ALG12: variants seen among roughly 807,000 people sequenced by gnomAD.
ALG12 encodes the protein dol-P-Man:Man(7)GlcNAc(2)-PP-Dol alpha-1,6-mannosyltransferase.
Under a neutral mutation model 46.0 loss-of-function variants are expected in ALG12, and 36 were observed. That is an observed-to-expected ratio of 0.78 (90% confidence interval 0.60 to 1.03). The LOEUF (loss-of-function observed/expected upper bound fraction) is 1.03, where lower values mean the gene tolerates loss of function less well. Ranked by LOEUF, ALG12 falls within the 50% of genes least tolerant of loss-of-function variation. The probability of loss-of-function intolerance (pLI) is 0.00; values close to 1 mark genes in which losing one functional copy is unlikely to be tolerated. For missense variants in ALG12, 599 were observed against 633.5 expected (o/e 0.95, Z 0.58); for synonymous variants, 326 against 291.6 (o/e 1.12, Z -1.20).
chr22:49,859,516 C>A, the ALG12 span, among the ~76,000 whole-genome samples: 1 of 152,150 alleles, frequency 6.6e-6, no homozygotes, highest in South Asian at 2.1e-4. Context: ...GATGTCTTTC[C>A]CAGGCCTGCG....
chr22:49,910,114 C>G, intron 4 of ALG12, 26 bp from the exon 5 acceptor site: 3 of 1,578,852 alleles, frequency 1.9e-6, no homozygotes, highest in Non-Finnish European at 2.6e-6. Flanking sequence ...GGAGGGTGCT[C>G]GTCAAGACAC....
chr22:49,865,219 C>T, the ALG12 span, among the ~76,000 whole-genome samples: 94,170 of 151,900 alleles, frequency 0.62, 33,127 homozygotes, highest in Non-Finnish European at 0.79. Context: ...TTTGTAACAC[C>T]GTGGCAAGTA....
intron 1 of ALG12, among the ~76,000 whole-genome samples, chr22:49,916,698 C>G (rs1443389352): frequency 6.6e-6 from 1 of 152,208 alleles, no homozygotes; most frequent in African/African-American, 2.4e-5. Context: ...CAAAAATAAT[C>G]CCAGCTACTC....
chr22:49,875,525 A>C, the ALG12 span, among the ~76,000 whole-genome samples: 1 of 150,406 alleles, frequency 6.6e-6, no homozygotes, highest in East Asian at 2.0e-4. Context: ...GGTTCCAGGG[A>C]TTCTCCTGCC....
At chr22:49,885,470 A>G in the ALG12 span, 1 of 1,612,646 alleles carries the variant, frequency 6.2e-7, no homozygotes. Flanking sequence ...CTTCTGAGAC[A>G]TTTACAGCGG....
the ALG12 span, among the ~76,000 whole-genome samples, chr22:49,864,945 C>CACCCCG: frequency 1.3e-5 from 1 of 75,994 alleles, no homozygotes. Context: ...AAGCCCCCCC[C>CACCCCG]CCCCCCCGTG....
At chr22:49,883,653 A>G in the ALG12 span, 5 of 1,547,366 alleles carry the variant, frequency 3.2e-6, no homozygotes, top group East Asian at 2.3e-5. Flanking sequence ...CGGAGTAGTT[A>G]TGGTCAGTCA....
At chr22:49,871,077 A>C in the ALG12 span, among the ~76,000 whole-genome samples, 7 of 148,848 alleles carry the variant, frequency 4.7e-5, no homozygotes, top group Non-Finnish European at 1.0e-4. Flanking sequence ...AGCAGCTGGG[A>C]TTACAGGTGT....
rs1170298550 is a variant in ALG12 at position 49,906,832 on chromosome 22, C to G, written c.992+889G>C. ...CCCACAGGGCCAGCAGTGATGGACT[C>G]TCCTGGGCCTGAGCCCCGGGTCCTT... is the stretch of plus-strand genomic sequence containing the variant. On this transcript the variant is annotated intron_variant, in intron 7 of 9. Transcript: ENST00000330817. This position sits in a 1 kb window ranked among gnomAD's most constrained non-coding sequence, Gnocchi z 4.4. 6.6e-6 allele frequency among the ~76,000 whole-genome samples: 1 copy of G among 152,146 alleles called. No homozygotes were observed. The highest frequency in any genetic ancestry group is 1.5e-5 in the Non-Finnish European group (1 of 68,006).
chr22:49,907,268 G>A (rs2147584244), intron 7 of ALG12, among the ~76,000 whole-genome samples: 1 of 152,296 alleles, frequency 6.6e-6, no homozygotes, highest in South Asian at 2.1e-4. Context: ...TGCTACCTAT[G>A]TGAGTGTCAC....
chr22:49,871,757 A>AT, the ALG12 span, among the ~76,000 whole-genome samples: 403 of 62,164 alleles, frequency 6.5e-3, 3 homozygotes, highest in Middle Eastern at 0.029. Flanking sequence ...TTATTTATTT[A>AT]TTTTTTTTTT....
chr22:49,901,524 ATGCATGGTGTGTGCACGTG>A lies in ALG12; in HGVS notation c.*2295_*2313del. On this transcript the variant is annotated 3_prime_UTR_variant, in exon 10 of 10. Coordinates refer to ENST00000330817, the MANE Select transcript of ALG12 (RefSeq NM_024105.4). The stretch of plus-strand genomic sequence containing the variant: ...TGCATGATTGCATTGTGTGGTGTGT[ATGCATGGTGTGTGCACGTG>A]TGCATTGTGTGTGCACGATTGCATT... 6.7e-6 allele frequency: 1 copy of A among 149,400 alleles called. No individual in the cohort carries two copies. Among genetic ancestry groups the A allele is most frequent in the Admixed American group, 6.6e-5 (1 of 15,068 alleles). 9.3% of individuals were successfully genotyped at this position (149,400 alleles called of 1,614,324 possible).
At chr22:49,873,513 G>C in the ALG12 span, among the ~76,000 whole-genome samples, 1 of 152,190 alleles carries the variant, frequency 6.6e-6, no homozygotes, top group Non-Finnish European at 1.5e-5. Flanking sequence ...CAGATACCAT[G>C]ATAATGGAAA....
the ALG12 span, among the ~76,000 whole-genome samples, chr22:49,860,375 A>G: frequency 1.3e-5 from 2 of 152,246 alleles, no homozygotes; most frequent in South Asian, 2.1e-4. Flanking sequence ...ATTATATGTT[A>G]TTCTGAAAAA....
chr22:49,868,972 A>G, the ALG12 span, among the ~76,000 whole-genome samples: 1 of 151,750 alleles, frequency 6.6e-6, no homozygotes, highest in Non-Finnish European at 1.5e-5. Flanking sequence ...AAAAAAAAAA[A>G]AATTAGCTGG....
At chr22:49,875,689 G>A in the ALG12 span, among the ~76,000 whole-genome samples, 1 of 152,090 alleles carries the variant, frequency 6.6e-6, no homozygotes, top group African/African-American at 2.4e-5. Context: ...CCAAAGAGCT[G>A]GGATTACAGG....
chr22:49,883,867 A>C, the ALG12 span: 1 of 1,607,408 alleles, frequency 6.2e-7, no homozygotes, highest in Non-Finnish European at 8.5e-7. Context: ...TTGCAGCTGC[A>C]AGCCCCCGGG....
intron 1 of ALG12, among the ~76,000 whole-genome samples, chr22:49,914,936 C>A (rs191920806): frequency 6.6e-6 from 1 of 152,332 alleles, no homozygotes; most frequent in Non-Finnish European, 1.5e-5. Flanking sequence ...GCTTTGTAGC[C>A]CAGGCTGGTA....
the ALG12 span, among the ~76,000 whole-genome samples, chr22:49,879,121 G>A: frequency 6.7e-6 from 1 of 149,476 alleles, no homozygotes; most frequent in Admixed American, 6.7e-5. Context: ...CTCTACCCTG[G>A]CCACAGAGTG....
Sources: gnomAD v4.1 joint callset for allele counts (sites outside exome capture counted in the v4.1 genomes callset) on GRCh38, gnomAD v4.1.1 for gene constraint, Gnocchi (gnomAD v3.1) non-coding constraint, MANE v1.5 for transcripts, NCBI Gene and HGNC (gene_info 2026-07-23, HGNC 2026-07-21) for gene names.